EYS: variants seen among roughly 807,000 people sequenced by gnomAD.
EYS encodes EGF-like photoreceptor maintenance factor.
Under a neutral mutation model 282.1 loss-of-function variants are expected in EYS, and 250 were observed. That is an observed-to-expected ratio of 0.89 (90% CI 0.80 to 0.98). EYS has a LOEUF of 0.98. Ranked by LOEUF, EYS falls within the 50% of genes least tolerant of loss-of-function variation. The pLI is 0.00. For synonymous variants in EYS, 1,355 were observed against 1,282.9 expected, an observed-to-expected ratio of 1.06 and a Z score of -1.20; for missense variants, 4,016 against 3,709.0, an observed-to-expected ratio of 1.08 and a Z score of -2.15.
chr6:63,959,995 T>G (rs1206901099), intron 35 of EYS, among the ~76,000 whole-genome samples: 1 of 151,522 alleles, frequency 6.6e-6, no homozygotes, highest in Non-Finnish European at 1.5e-5. Flanking sequence ...CTGCATGTTC[T>G]CCACATGTAT....
intron 31 of EYS, among the ~76,000 whole-genome samples, chr6:64,225,506 A>T (rs1766228356): frequency 6.6e-6 from 1 of 152,108 alleles, no homozygotes; most frequent in Non-Finnish European, 1.5e-5. Flanking sequence ...TGTCTGAGAG[A>T]TACAATATGA....
chr6:64,765,414 C>A lies in EYS; in HGVS notation c.3443+47964G>T, dbSNP rs537495656. Reference sequence around the variant, plus strand: ...TGCATCTTTCTGTCTCCTTCTGAGCCCTCCAAACTGTTCCAGCCTCTGCCT... The same window carrying A: ...TGCATCTTTCTGTCTCCTTCTGAGCACTCCAAACTGTTCCAGCCTCTGCCT... On this transcript the variant is annotated intron_variant, in intron 22 of 42. Coordinates refer to ENST00000503581, the MANE Select transcript of EYS (RefSeq NM_001142800.2). Among the ~76,000 whole-genome samples, 243 of 152,250 alleles carry A rather than the reference C, an allele frequency of 1.6e-3. 1 individual carries two copies. Among genetic ancestry groups the A allele is most frequent in the Non-Finnish European group, 2.8e-3 (190 of 68,030 alleles).
chr6:64,101,019 A>G (rs1447989928), intron 31 of EYS, among the ~76,000 whole-genome samples: 1 of 151,986 alleles, frequency 6.6e-6, no homozygotes, highest in Non-Finnish European at 1.5e-5. Context: ...TTGAAATCCT[A>G]TATCTTAAGT....
chr6:64,423,450 C>T (rs374545666), intron 28 of EYS, among the ~76,000 whole-genome samples: 2 of 152,134 alleles, frequency 1.3e-5, no homozygotes, highest in African/African-American at 4.8e-5. Flanking sequence ...GTTCTAATTA[C>T]TGACAGACAT....
At chr6:64,190,519 G>A (rs1765071040) in intron 31 of EYS, among the ~76,000 whole-genome samples, 1 of 152,160 alleles carries the variant, frequency 6.6e-6, no homozygotes, top group African/African-American at 2.4e-5. Flanking sequence ...CATGGTGCAT[G>A]CCAAACAAAG....
At chr6:65,435,834 C>T (rs1369769787) in intron 5 of EYS, among the ~76,000 whole-genome samples, 1 of 151,826 alleles carries the variant, frequency 6.6e-6, no homozygotes, top group African/African-American at 2.4e-5. Context: ...GATTAGTGTC[C>T]TTATAAGTAA....
chr6:64,787,449 A>C (rs1275333929), intron 22 of EYS, among the ~76,000 whole-genome samples: 1 of 151,150 alleles, frequency 6.6e-6, no homozygotes, highest in Non-Finnish European at 1.5e-5. Context: ...ATTTTTAAAA[A>C]CTTTGTTTTT....
At chr6:64,393,105 C>A (rs1476915091) in intron 28 of EYS, among the ~76,000 whole-genome samples, 1 of 152,126 alleles carries the variant, frequency 6.6e-6, no homozygotes, top group African/African-American at 2.4e-5. Context: ...TCTGAATAGA[C>A]CAATAGCAGG....
chr6:63,836,805 A>T (rs1771820479), intron 36 of EYS, among the ~76,000 whole-genome samples: 1 of 152,106 alleles, frequency 6.6e-6, no homozygotes, highest in African/African-American at 2.4e-5. Flanking sequence ...ACCATAGCAC[A>T]CTCATTAATG....
chr6:64,332,283 A>G (rs911243924), intron 29 of EYS, among the ~76,000 whole-genome samples: 13 of 152,206 alleles, frequency 8.5e-5, no homozygotes, highest in Non-Finnish European at 1.5e-4. Flanking sequence ...TAATTCAGAT[A>G]AAAGGGGATT....
chr6:64,576,407 T>C (rs936260792), intron 26 of EYS, among the ~76,000 whole-genome samples: 1 of 152,098 alleles, frequency 6.6e-6, no homozygotes, highest in East Asian at 1.9e-4. Flanking sequence ...GTCCTAAGTA[T>C]TCTTCAGATG....
intron 30 of EYS, among the ~76,000 whole-genome samples, chr6:64,296,923 A>G (rs1769050867): frequency 6.6e-6 from 1 of 152,110 alleles, no homozygotes; most frequent in Non-Finnish European, 1.5e-5. Context: ...TTTTGATGTA[A>G]CTATTTTGAA....
intron 5 of EYS, among the ~76,000 whole-genome samples, chr6:65,411,818 T>A (rs1335025768): frequency 1.3e-5 from 2 of 151,834 alleles, no homozygotes; most frequent in African/African-American, 4.8e-5. Flanking sequence ...AATACGTCTT[T>A]TTTTTTTTTT....
chr6:64,016,204 T>C (rs1273237360), intron 33 of EYS, among the ~76,000 whole-genome samples: 7 of 152,222 alleles, frequency 4.6e-5, no homozygotes, highest in Non-Finnish European at 7.3e-5. Context: ...TAGCTTCTTA[T>C]AATCAAATAC....
intron 12 of EYS, among the ~76,000 whole-genome samples, chr6:65,271,672 C>G (rs559712581): frequency 4.4e-4 from 67 of 151,200 alleles, no homozygotes; most frequent in African/African-American, 1.6e-3. Flanking sequence ...ATCCTATGCC[C>G]CCTGGGTTCA....
chr6:64,651,474 G>GTCCC (rs1768559483), intron 22 of EYS, among the ~76,000 whole-genome samples: 1 of 152,016 alleles, frequency 6.6e-6, no homozygotes, highest in Non-Finnish European at 1.5e-5. Flanking sequence ...AGATAATAAA[G>GTCCC]TAAAATAAAT....
chr6:64,152,786 C>A (rs549290504), intron 31 of EYS, among the ~76,000 whole-genome samples: 1 of 152,106 alleles, frequency 6.6e-6, no homozygotes, highest in African/African-American at 2.4e-5. Flanking sequence ...TAAAAAGTTT[C>A]AAATCATTTT....
At chr6:65,042,935 G>A (rs1772983339) in intron 13 of EYS, among the ~76,000 whole-genome samples, 1 of 151,340 alleles carries the variant, frequency 6.6e-6, no homozygotes, top group African/African-American at 2.4e-5. Flanking sequence ...CTGTTGGGAA[G>A]CACTGGCCTC....
At chr6:64,904,055 G>T (rs1767748781) in intron 16 of EYS, among the ~76,000 whole-genome samples, 1 of 151,936 alleles carries the variant, frequency 6.6e-6, no homozygotes, top group South Asian at 2.1e-4. Flanking sequence ...CAATTTAAAG[G>T]TAGAGGCAGA....
Sources: allele counts gnomAD v4.1 joint callset (sites outside exome capture counted in the v4.1 genomes callset), GRCh38; gene constraint gnomAD v4.1.1; transcripts MANE v1.5; gene names NCBI Gene and HGNC (gene_info 2026-07-23, HGNC 2026-07-21).